The following LARGE1 variants were observed in gnomAD, a reference collection of about 807,000 sequenced individuals.
LARGE1 encodes the protein xylosyl- and glucuronyltransferase LARGE1.
In LARGE1, 43 loss-of-function variants were observed where a neutral mutation model predicts 87.6. The ratio of observed to expected loss-of-function variants is 0.49; its 90% CI spans 0.38 to 0.63. The LOEUF (loss-of-function observed/expected upper bound fraction) is 0.63. Among genes scored for constraint, LARGE1 ranks in the 30% least tolerant of loss-of-function variants. The pLI, the probability that LARGE1 is intolerant of heterozygous loss-of-function variation, is 0.00. For missense variants in LARGE1, 802 were observed against 1,000.2 expected, an observed-to-expected ratio of 0.80 and a Z score of 2.67; for synonymous variants, 434 against 394.6, an observed-to-expected ratio of 1.10 and a Z score of -1.18.
chr22:33,550,142 T>TACACAC (rs5845093), intron 6 of LARGE1, among the ~76,000 whole-genome samples: 14,863 of 141,838 alleles, frequency 0.1, 850 homozygotes, highest in South Asian at 0.18. Flanking sequence ...ACTTAAAGTA[T>TACACAC]ACACACACAC....
intron 5 of LARGE1, among the ~76,000 whole-genome samples, chr22:33,592,137 C>T (rs1223565050): frequency 6.6e-6 from 1 of 150,962 alleles, no homozygotes; most frequent in Admixed American, 6.6e-5. Context: ...GGGAGGAAAT[C>T]TTTGCCCAAC....
chr22:33,597,298 AC>A (rs2079004692), intron 5 of LARGE1, among the ~76,000 whole-genome samples: 1 of 138,418 alleles, frequency 7.2e-6, no homozygotes, highest in South Asian at 2.3e-4. Flanking sequence ...AAAAAAAAAA[AC>A]TTGTAAGTAT....
intron 6 of LARGE1, among the ~76,000 whole-genome samples, chr22:33,459,034 TA>T (rs1279407482): frequency 1.3e-5 from 2 of 151,450 alleles, no homozygotes; most frequent in Non-Finnish European, 2.9e-5. Context: ...TCTTCTAAAA[TA>T]AAAAAAAGTG....
At chr22:33,078,951 C>T in the LARGE1 span, among the ~76,000 whole-genome samples, 121 of 152,298 alleles carry the variant, frequency 7.9e-4, 3 homozygotes, top group South Asian at 0.011. Flanking sequence ...TGTGAAACTA[C>T]GTAACACCTT....
At chr22:33,590,988 G>A (rs1373231264) in intron 5 of LARGE1, among the ~76,000 whole-genome samples, 1 of 152,070 alleles carries the variant, frequency 6.6e-6, no homozygotes, top group Non-Finnish European at 1.5e-5. Flanking sequence ...GGATCACGAG[G>A]TCAGGAGTTT....
chr22:33,233,300 GATA>G (rs1342484794), intron 11 of LARGE1, among the ~76,000 whole-genome samples: 13 of 152,132 alleles, frequency 8.5e-5, no homozygotes, highest in South Asian at 6.2e-4. Flanking sequence ...TGATGATGAT[GATA>G]ATGATGATGA....
intron 9 of LARGE1, among the ~76,000 whole-genome samples, chr22:33,381,343 C>A (rs2065149043): frequency 6.6e-6 from 1 of 152,142 alleles, no homozygotes; most frequent in Admixed American, 6.5e-5. Flanking sequence ...CTTTCTATAG[C>A]CAGGTTCATT....
intron 9 of LARGE1, among the ~76,000 whole-genome samples, chr22:33,364,197 G>T (rs959385431): frequency 6.6e-6 from 1 of 152,124 alleles, no homozygotes; most frequent in African/African-American, 2.4e-5. Context: ...TGGGACTACA[G>T]GCGCCCGCCA....
intron 2 of LARGE1, among the ~76,000 whole-genome samples, chr22:33,712,637 A>AGTGTGTGTGTGTGTGTGTGT (rs34754283): frequency 1.3e-4 from 17 of 134,736 alleles, no homozygotes; most frequent in African/African-American, 3.7e-4. Flanking sequence ...TGAGGGGTAC[A>AGTGTGTGTGTGTGTGTGTGT]GTGTGTGTGT....
At chr22:33,395,981 G>A (rs1166235864) in intron 7 of LARGE1, among the ~76,000 whole-genome samples, 1 of 152,208 alleles carries the variant, frequency 6.6e-6, no homozygotes, top group African/African-American at 2.4e-5. Context: ...GACTCTAATA[G>A]GATATTGCTT....
At chr22:33,921,840 G>C (rs183840821), upstream of LARGE1, among the ~76,000 whole-genome samples, 97 of 152,174 alleles carry the variant, frequency 6.4e-4, no homozygotes, top group African/African-American at 2.3e-3. The surrounding 1 kb of genome is among the most constrained non-coding windows in gnomAD (Gnocchi z 4.1). Context: ...CAGGAGAAGT[G>C]GGTGAAATGG....
At chr22:33,210,872 G>C (rs371574059) in intron 11 of LARGE1, among the ~76,000 whole-genome samples, 1 of 152,224 alleles carries the variant, frequency 6.6e-6, no homozygotes, top group Admixed American at 6.5e-5. Context: ...TCATTGCCCC[G>C]GGGCCTTGCA....
At chr22:33,632,550 C>G (rs1313562951) in intron 3 of LARGE1, among the ~76,000 whole-genome samples, 1 of 92 alleles carries the variant, frequency 0.011, no homozygotes, top group Non-Finnish European at 0.019. Context: ...GTCAGGGGCC[C>G]AATCACACAA....
intron 6 of LARGE1, among the ~76,000 whole-genome samples, chr22:33,515,336 T>G (rs987269639): frequency 2.6e-5 from 4 of 152,216 alleles, no homozygotes; most frequent in Non-Finnish European, 5.9e-5. Flanking sequence ...CACAGAGACC[T>G]AGAAAGAGAG....
chr22:33,605,349 C>T (rs2079223520), intron 4 of LARGE1, among the ~76,000 whole-genome samples: 1 of 152,090 alleles, frequency 6.6e-6, no homozygotes, highest in African/African-American at 2.4e-5. Flanking sequence ...ACTGAGGCAG[C>T]ACCCGAAATA....
At chr22:33,298,608 A>C (rs1162689568) in intron 12 of LARGE1, among the ~76,000 whole-genome samples, 1 of 152,206 alleles carries the variant, frequency 6.6e-6, no homozygotes, top group Non-Finnish European at 1.5e-5. Flanking sequence ...GCACTGCTTG[A>C]GCCCAGGAGT....
intron 7 of LARGE1, among the ~76,000 whole-genome samples, chr22:33,429,449 C>T (rs1053040611): frequency 3.9e-5 from 6 of 152,092 alleles, no homozygotes; most frequent in Non-Finnish European, 7.4e-5. Context: ...TTTACGTGCT[C>T]CTGTGTCTCC....
chr22:33,304,117 C>A, intron 12 of LARGE1, 112 bp downstream of exon 12: 4 of 1,255,526 alleles, frequency 3.2e-6, no homozygotes, highest in Non-Finnish European at 4.5e-6. Context: ...GCTGCCCCAT[C>A]TGGAAAAGAA....
intron 11 of LARGE1, among the ~76,000 whole-genome samples, chr22:33,183,131 C>T (rs1923261772): frequency 6.6e-6 from 1 of 151,698 alleles, no homozygotes; most frequent in Non-Finnish European, 1.5e-5. Flanking sequence ...GAGCTCATCT[C>T]AATAGCAGAA....
Sources: allele counts gnomAD v4.1 joint callset (sites outside exome capture counted in the v4.1 genomes callset), GRCh38; gene constraint gnomAD v4.1.1; non-coding constraint Gnocchi (gnomAD v3.1); transcripts MANE v1.5; gene names NCBI Gene and HGNC (gene_info 2026-07-23, HGNC 2026-07-21).